The following PTPRM variants were observed in gnomAD, a reference collection of about 807,000 sequenced individuals.
PTPRM encodes the protein receptor-type tyrosine-protein phosphatase mu.
In PTPRM, 47 loss-of-function variants were observed where a neutral mutation model predicts 186.7. The ratio of observed to expected loss-of-function variants is 0.25; its 90% confidence interval spans 0.20 to 0.32. The LOEUF is 0.32. Ranked by LOEUF, PTPRM falls within the 10% of genes least tolerant of loss-of-function variation. PTPRM has a pLI of 1.00. For synonymous variants in PTPRM, 668 were observed against 674.9 expected (o/e 0.99, Z 0.16); for missense variants, 1,494 against 1,865.0 (o/e 0.80, Z 3.66).
chr18:7,604,933 A>G (rs2037493798), intron 1 of PTPRM, among the ~76,000 whole-genome samples: 1 of 152,194 alleles, frequency 6.6e-6, no homozygotes, highest in South Asian at 2.1e-4. Context: ...AGTTTATTTG[A>G]TATAGCTGCT....
At chr18:8,328,275 C>T (rs73382226) in intron 22 of PTPRM, among the ~76,000 whole-genome samples, 4,414 of 152,294 alleles carry the variant, frequency 0.029, 219 homozygotes, top group African/African-American at 0.099. Context: ...GTTCTCAGAG[C>T]GTCAGTGTAA....
chr18:8,212,160 C>G (rs1227507043), intron 14 of PTPRM, among the ~76,000 whole-genome samples: 1 of 152,146 alleles, frequency 6.6e-6, no homozygotes, highest in Non-Finnish European at 1.5e-5. Flanking sequence ...GGACCAGGTG[C>G]CTGTGCCTGG....
chr18:7,747,995 G>C (rs902073242), intron 1 of PTPRM, among the ~76,000 whole-genome samples: 1 of 152,166 alleles, frequency 6.6e-6, no homozygotes, highest in Non-Finnish European at 1.5e-5. Context: ...TGTTTGAGAG[G>C]CTGCACTACC....
chr18:7,595,824 G>C (rs1244396086), intron 1 of PTPRM, among the ~76,000 whole-genome samples: 1 of 152,126 alleles, frequency 6.6e-6, no homozygotes, highest in African/African-American at 2.4e-5. Context: ...AGCCATTTGA[G>C]GCTTGCCTGT....
intron 1 of PTPRM, among the ~76,000 whole-genome samples, chr18:7,736,938 A>G (rs542892483): frequency 2.7e-4 from 41 of 152,058 alleles, no homozygotes; most frequent in Middle Eastern, 3.4e-3. Flanking sequence ...CTCTTCCTTC[A>G]GGATTACAGG....
chr18:7,663,015 G>GT lies in PTPRM; in HGVS notation c.73+95125dup, dbSNP rs2039013667. Among the ~76,000 whole-genome samples the GT allele has an allele frequency of 2.0e-5, 3 of 152,176 alleles. No homozygotes were observed. The South Asian group carries it at 6.2e-4, about 32-fold the overall frequency. ...TTCTGAACTTGTTTTTGAAATAGAT[G>GT]TATCATCCCCTCTGCTCTTCTTGGC... On this transcript the variant is annotated intron_variant, in intron 1 of 32. Transcript: ENST00000580170.
intron 1 of PTPRM, among the ~76,000 whole-genome samples, chr18:7,679,282 C>CT (rs1308807021): frequency 1.3e-5 from 2 of 152,102 alleles, no homozygotes; most frequent in South Asian, 4.1e-4. Flanking sequence ...TGTTTTATCA[C>CT]TTTTTTTCAT....
intron 1 of PTPRM, among the ~76,000 whole-genome samples, chr18:7,599,833 G>A (rs555556431): frequency 9.2e-5 from 14 of 152,298 alleles, no homozygotes; most frequent in African/African-American, 3.4e-4. Context: ...TGTGCACTGT[G>A]CATTTGCTAC....
intron 7 of PTPRM, among the ~76,000 whole-genome samples, chr18:8,045,303 G>T (rs992083126): frequency 1.3e-5 from 2 of 152,018 alleles, no homozygotes; most frequent in Admixed American, 1.3e-4. Flanking sequence ...AGCTGTGATC[G>T]CACCACTGTA....
intron 7 of PTPRM, among the ~76,000 whole-genome samples, chr18:8,026,672 C>T (rs2148015159): frequency 6.6e-6 from 1 of 152,242 alleles, no homozygotes; most frequent in South Asian, 2.1e-4. Context: ...GCCTGGCCAA[C>T]ATGGTGAAAC....
intron 22 of PTPRM, among the ~76,000 whole-genome samples, chr18:8,330,881 C>T (rs1295580809): frequency 2.6e-5 from 4 of 152,156 alleles, no homozygotes; most frequent in African/African-American, 4.8e-5. Flanking sequence ...CCATGCATGC[C>T]GCCATTCGGT....
intron 1 of PTPRM, among the ~76,000 whole-genome samples, chr18:7,693,970 C>T (rs190920977): frequency 1.6e-4 from 25 of 152,236 alleles, no homozygotes; most frequent in East Asian, 1.5e-3. Flanking sequence ...TCTGTGGTGC[C>T]GTATCTGAGC....
chr18:7,766,458 C>T (rs1483385825), intron 1 of PTPRM, among the ~76,000 whole-genome samples: 1 of 152,164 alleles, frequency 6.6e-6, no homozygotes, highest in Non-Finnish European at 1.5e-5. Flanking sequence ...TGCTGAGATC[C>T]AGGGGAAGGC....
intron 1 of PTPRM, among the ~76,000 whole-genome samples, chr18:7,705,289 A>G (rs1478738210): frequency 3.8e-5 from 5 of 131,384 alleles, no homozygotes; most frequent in Non-Finnish European, 8.4e-5. Flanking sequence ...TTATCTATCT[A>G]TCTATCTATC....
At chr18:8,103,230 A>G (rs1052974052) in intron 11 of PTPRM, among the ~76,000 whole-genome samples, 1 of 152,200 alleles carries the variant, frequency 6.6e-6, no homozygotes, top group Non-Finnish European at 1.5e-5. Flanking sequence ...TGAGCCCGTA[A>G]CACAAGAGTC....
At chr18:7,628,407 TTTC>T (rs1464494795) in intron 1 of PTPRM, among the ~76,000 whole-genome samples, 1 of 152,230 alleles carries the variant, frequency 6.6e-6, no homozygotes, top group Non-Finnish European at 1.5e-5. Context: ...AGTTACTGTC[TTTC>T]AAATGAAAGT....
chr18:8,295,145 G>A (rs896929719), intron 19 of PTPRM, among the ~76,000 whole-genome samples: 5 of 152,180 alleles, frequency 3.3e-5, no homozygotes, highest in African/African-American at 1.2e-4. Context: ...CCACTTAGTG[G>A]TCAGAATACT....
chr18:7,961,041 C>T (rs546144099), intron 7 of PTPRM, among the ~76,000 whole-genome samples: 7 of 151,942 alleles, frequency 4.6e-5, no homozygotes, highest in South Asian at 4.2e-4. Context: ...ATGAGGTACA[C>T]GAAATATTTT....
In PTPRM at chr18:7,705,949, TTA is replaced by T. The variant is rs373714405; in HGVS notation, c.74-68185_74-68184del. ...AATGATACAAGAGCACTATAGTGAT[TTA>T]TATATATATATATAAAAGGTAACAT... is the stretch of plus-strand genomic sequence containing the variant. On this transcript the variant is annotated intron_variant, in intron 1 of 32. Transcript: ENST00000580170. Among the ~76,000 whole-genome samples, 184 of 146,716 alleles carry T rather than the reference TTA, an allele frequency of 1.3e-3. 1 individual carries two copies. Among genetic ancestry groups the T allele is most frequent in the East Asian group, 9.8e-3 (50 of 5,080 alleles).
Sources: allele counts gnomAD v4.1 joint callset (sites outside exome capture counted in the v4.1 genomes callset), GRCh38; gene constraint gnomAD v4.1.1; transcripts MANE v1.5; gene names NCBI Gene and HGNC (gene_info 2026-07-23, HGNC 2026-07-21).